Variants in ARHGEF12 observed in about 807,000 individuals in gnomAD.
ARHGEF12 encodes the protein KMT2A/ARHGEF12 fusion protein.
ARHGEF12 carries 66 observed loss-of-function variants against 211.2 expected under a neutral mutation model. The ratio of observed to expected loss-of-function variants is 0.31; its 90% CI spans 0.26 to 0.38. ARHGEF12 has a LOEUF of 0.38. Ranked by LOEUF, ARHGEF12 falls within the 10% of genes least tolerant of loss-of-function variation. ARHGEF12 has a pLI of 1.00. For synonymous variants in ARHGEF12, 592 were observed against 638.4 expected, an observed-to-expected ratio of 0.93 and a Z score of 1.09; for missense variants, 1,429 against 1,869.5, an observed-to-expected ratio of 0.76 and a Z score of 4.34.
At chr11:120,446,675 A>G (rs1193201208) in intron 17 of ARHGEF12, among the ~76,000 whole-genome samples, 167 bp downstream of exon 17, 1 of 152,192 alleles carries the variant, frequency 6.6e-6, no homozygotes, top group Admixed American at 6.5e-5. Flanking sequence ...AGTGGAACTG[A>G]GAGTCCAGAC....
intron 35 of ARHGEF12, 29 bp from the exon 36 acceptor site, chr11:120,477,418 A>AGTT: frequency 7.9e-7 from 1 of 1,270,598 alleles, no homozygotes. Context: ...GGAAGGTAAA[A>AGTT]GTTTTTTTTT....
chr11:120,446,588 ACTTAG>A (rs577467253), intron 17 of ARHGEF12, 80 bp downstream of exon 17: 15 of 1,079,724 alleles, frequency 1.4e-5, no homozygotes, highest in South Asian at 6.2e-5. Flanking sequence ...CTCATTAAAT[ACTTAG>A]CTTAGCACTA....
intron 1 of ARHGEF12, among the ~76,000 whole-genome samples, chr11:120,358,428 T>C (rs1033499172): frequency 3.3e-5 from 5 of 152,094 alleles, no homozygotes; most frequent in Admixed American, 6.5e-5. Flanking sequence ...TTTTGTTTTG[T>C]TATTTTTGTT....
At chr11:120,478,537 G>A (rs1947131275) in intron 37 of ARHGEF12, 148 bp downstream of exon 37, 1 of 747,138 alleles carries the variant, frequency 1.3e-6, no homozygotes, top group East Asian at 2.7e-5. Flanking sequence ...CCATGCCACA[G>A]GCACACACAC....
chr11:120,382,120 G>C (rs755093902), intron 1 of ARHGEF12, among the ~76,000 whole-genome samples: 2 of 152,110 alleles, frequency 1.3e-5, no homozygotes, highest in Non-Finnish European at 2.9e-5. Flanking sequence ...TCAGTTTTTG[G>C]CATTAGGAGT....
chr11:120,360,790 G>A (rs1205619595), intron 1 of ARHGEF12, among the ~76,000 whole-genome samples: 1 of 152,006 alleles, frequency 6.6e-6, no homozygotes, highest in Non-Finnish European at 1.5e-5. Context: ...ATATAAAAGA[G>A]AATAGAAAAA....
At chr11:120,458,430 A>G (rs1946427828) in intron 25 of ARHGEF12, 196 bp downstream of exon 25, 1 of 558,688 alleles carries the variant, frequency 1.8e-6, no homozygotes, top group East Asian at 3.5e-5. Context: ...GATAATTTAA[A>G]AGGAAAATGT....
At chr11:120,394,709 A>G (rs1565449738) in intron 1 of ARHGEF12, among the ~76,000 whole-genome samples, 1 of 152,046 alleles carries the variant, frequency 6.6e-6, no homozygotes, top group African/African-American at 2.4e-5. Flanking sequence ...GACACACATT[A>G]CTAATATCAT....
At chr11:120,439,956 G>T in intron 12 of ARHGEF12, 173 bp from the exon 13 acceptor site, 1 of 575,312 alleles carries the variant, frequency 1.7e-6, no homozygotes, top group Non-Finnish European at 3.1e-6. Context: ...AGTGGTACAT[G>T]GCCTTGAAAA....
chr11:120,384,723 G>C (rs1169423083), intron 1 of ARHGEF12, among the ~76,000 whole-genome samples: 1 of 152,130 alleles, frequency 6.6e-6, no homozygotes, highest in Non-Finnish European at 1.5e-5. Flanking sequence ...GTAGCATGAA[G>C]AAATTTCAAT....
chr11:120,477,556 A>C, intron 36 of ARHGEF12, 30 bp downstream of exon 36: 1 of 1,585,906 alleles, frequency 6.3e-7, no homozygotes, highest in Non-Finnish European at 8.6e-7. Context: ...TCAATGGAGA[A>C]TGTGCTCTAT....
Position 120,475,437 on chromosome 11 carries a change from A to T in ARHGEF12, c.3207A>T (p.Thr1069=). The change falls in exon 33 of 41, where the codon ACA becomes ACT. Residue 1069 remains threonine (T), a synonymous_variant. Coordinates refer to ENST00000397843, the MANE Select transcript of ARHGEF12 (RefSeq NM_015313.3). The stretch of plus-strand genomic sequence containing the variant: ...GTCATAGTAAGATTCTGGCATCTAC[A>T]GCTGATAGCAAACACACGTTTAGCC... ...LRCHSKILAS[T]ADSKHTFSPV... is the part of the protein sequence containing the mutation. The T allele has an allele frequency of 6.2e-7, 1 of 1,614,204 alleles. No homozygotes were observed. Among genetic ancestry groups the T allele is most frequent in the Non-Finnish European group, 8.5e-7 (1 of 1,180,034 alleles).
chr11:120,483,258 CTTTTTTTTT>C (rs777120176), intron 39 of ARHGEF12, among the ~76,000 whole-genome samples: 4 of 97,504 alleles, frequency 4.1e-5, no homozygotes, highest in East Asian at 2.7e-4. Flanking sequence ...CCATAATAAT[CTTTTTTTTT>C]TTTTTTTTTT....
chr11:120,436,633 C>T (rs551421409), intron 11 of ARHGEF12, among the ~76,000 whole-genome samples: 13 of 152,246 alleles, frequency 8.5e-5, no homozygotes, highest in African/African-American at 2.6e-4. Context: ...TATGCACAGA[C>T]TTTTTTCCTA....
chr11:120,339,005 C>CTTTTTTTTTTTTTTTTTTTT (rs906260027), intron 1 of ARHGEF12, among the ~76,000 whole-genome samples: 1 of 121,996 alleles, frequency 8.2e-6, no homozygotes, highest in African/African-American at 3.1e-5. Context: ...TTTTCTTTTT[C>CTTTTTTTTTTTTTTTTTTTT]TTTTTTTTTT....
At chr11:120,349,823 G>A (rs192586119) in intron 1 of ARHGEF12, among the ~76,000 whole-genome samples, 2 of 152,282 alleles carry the variant, frequency 1.3e-5, no homozygotes, top group Admixed American at 6.5e-5. Flanking sequence ...GAATCCATAT[G>A]TATTTTTAGC....
Position 120,459,164 on chromosome 11 carries a change from T to C in ARHGEF12, c.2381-10T>C. The C allele has an allele frequency of 6.3e-7, 1 of 1,597,802 alleles. No individual in the cohort carries two copies. On this transcript the variant is annotated splice_polypyrimidine_tract_variant and intron_variant, in intron 25 of 40. Transcript: ENST00000397843. ...AGTAAGGCAACATTTCATATCTCTT[T>C]CCTGTTCAGAATTGTTCTACACTGA...
intron 1 of ARHGEF12, among the ~76,000 whole-genome samples, chr11:120,401,722 CCTGAT>C: frequency 6.6e-6 from 1 of 152,192 alleles, no homozygotes; most frequent in South Asian, 2.1e-4. Flanking sequence ...CAGATTGTAA[CCTGAT>C]CTTTTTTCTT....
rs1298616178 is a variant in ARHGEF12, at chr11:120,336,693, C to T, written c.-551C>T. Among the ~76,000 whole-genome samples the T allele has an allele frequency of 6.6e-6, 1 of 152,090 alleles. No homozygotes were observed. The highest frequency in any genetic ancestry group is 1.5e-5 in the Non-Finnish European group (1 of 67,980). On this transcript the variant is annotated 5_prime_UTR_variant, in exon 1 of 41. Coordinates refer to ENST00000397843, the MANE Select transcript of ARHGEF12 (RefSeq NM_015313.3). The stretch of plus-strand genomic sequence containing the variant: ...GGGAGCCTGGTGAGGGCGGCGAGCA[C>T]AGAAGGAGCCCCGGGCCCGGGACAT...
Sources: allele counts gnomAD v4.1 joint callset (sites outside exome capture counted in the v4.1 genomes callset), GRCh38; gene constraint gnomAD v4.1.1; transcripts MANE v1.5; gene names NCBI Gene and HGNC (gene_info 2026-07-23, HGNC 2026-07-21).